MTMR7: variants seen among roughly 807,000 people sequenced by gnomAD.
MTMR7 encodes phosphatidylinositol-3-phosphate phosphatase MTMR7.
Under a neutral mutation model 81.2 loss-of-function variants are expected in MTMR7, and 76 were observed. The ratio of observed to expected loss-of-function variants is 0.94; its 90% CI spans 0.78 to 1.13. The LOEUF is 1.13. Ranked by LOEUF, MTMR7 falls within the 50% of genes most tolerant of loss-of-function variation. The pLI is 0.00. For missense variants in MTMR7, 1,044 were observed against 820.0 expected (o/e 1.27, Z -3.34); for synonymous variants, 372 against 289.8 (o/e 1.28, Z -2.88).
At chr8:17,335,867 C>T (rs893676884) in intron 6 of MTMR7, among the ~76,000 whole-genome samples, 3 of 152,184 alleles carry the variant, frequency 2.0e-5, no homozygotes, top group African/African-American at 4.8e-5. Flanking sequence ...CCGTATGTGA[C>T]GCAAAATTAG....
chr8:17,356,082 A>AT (rs1451545841), intron 4 of MTMR7, among the ~76,000 whole-genome samples: 5 of 152,096 alleles, frequency 3.3e-5, no homozygotes, highest in African/African-American at 7.2e-5. Flanking sequence ...CATTACCAAC[A>AT]CCACTCTAGG....
Position 17,370,761 on chromosome 8 carries a change from T to C in MTMR7, c.310+276A>G, listed in dbSNP as rs58790383. Among the ~76,000 whole-genome samples the C allele has an allele frequency of 1.9e-3, 281 of 151,760 alleles. 8 individuals carry two copies. The East Asian group carries it at 0.048, about 26-fold the overall frequency. On this transcript the variant is annotated intron_variant, in intron 3 of 13. Transcript: ENST00000180173. ...TAAGAAGTGCATAACTTAAAGGCAA[T>C]TTCACCCCAAAAGGAAAGCATCCTA...
At chr8:17,300,465 T>G (rs373513639) in intron 13 of MTMR7, among the ~76,000 whole-genome samples, 141 of 152,260 alleles carry the variant, frequency 9.3e-4, no homozygotes, top group African/African-American at 3.3e-3. Flanking sequence ...ATAAACAATA[T>G]AGCACAGTTG....
intron 6 of MTMR7, among the ~76,000 whole-genome samples, chr8:17,332,265 T>C (rs576498873): frequency 6.6e-6 from 1 of 152,312 alleles, no homozygotes; most frequent in Admixed American, 6.5e-5. Context: ...CAATAGTACT[T>C]TTTAAAAGCT....
rs150330489 is a variant in MTMR7 at position 17,302,037 on chromosome 8, C to A, written c.1620+117G>T. On this transcript the variant is annotated intron_variant, in intron 13 of 13. Transcript: ENST00000180173. ...TGGATGGGGTTGTGTTTCAGGTGTTCTACTGACTAAAAATGTGAAATATTT... is the reference window on the plus strand; with the variant it reads ...TGGATGGGGTTGTGTTTCAGGTGTTATACTGACTAAAAATGTGAAATATTT... 2,719 of 1,373,094 alleles carry A rather than the reference C, an allele frequency of 2.0e-3. 3 individuals carry two copies. The highest frequency in any genetic ancestry group is 2.5e-3 in the Non-Finnish European group (2,505 of 989,262). The allele number at this position is 1,373,094 out of a possible 1,614,324, so 85.1% of individuals were successfully genotyped here.
chr8:17,324,367 G>T (rs962263571), intron 7 of MTMR7, among the ~76,000 whole-genome samples: 3 of 152,184 alleles, frequency 2.0e-5, no homozygotes, highest in Non-Finnish European at 1.5e-5. Flanking sequence ...CAGGGTAGAT[G>T]CACTCTCCAT....
intron 1 of MTMR7, among the ~76,000 whole-genome samples, chr8:17,375,689 G>A (rs748128504): frequency 5.9e-5 from 9 of 152,176 alleles, no homozygotes; most frequent in South Asian, 2.1e-4. Flanking sequence ...TTATAACTGC[G>A]TCCTTACCAA....
intron 4 of MTMR7, among the ~76,000 whole-genome samples, chr8:17,350,569 C>T (rs10106224): frequency 0.3 from 45,052 of 152,002 alleles, 7,838 homozygotes; most frequent in East Asian, 0.71. Flanking sequence ...GAGCTACGAT[C>T]TAAGATGAGA....
In MTMR7 at chr8:17,373,185, G is replaced by C. The variant is rs758357915; in HGVS notation, c.80C>G (p.Thr27Ser). 8 of 1,613,776 alleles carry C rather than the reference G, an allele frequency of 5.0e-6. No homozygotes were observed. The highest frequency in any genetic ancestry group is 1.7e-5 in the Admixed American group (1 of 60,008). Residue 27 changes from threonine to serine, a missense_variant, in exon 2 of 14, where the codon ACT becomes AGT. Thr to Ser is a moderately conservative substitution (Grantham distance 58). Transcript: ENST00000180173. The stretch of plus-strand genomic sequence containing the variant: ...GACATGGGTAGCCGTCAAATACAAA[G>C]TACCTAGAGCTGCTTTTTTAGGAGA... Reference protein sequence around the residue: ...RVSPKKAALGTLYLTATHVIF... With the variant: ...RVSPKKAALGSLYLTATHVIF...
intron 4 of MTMR7, among the ~76,000 whole-genome samples, chr8:17,349,694 G>A (rs1284092648): frequency 6.6e-6 from 1 of 152,150 alleles, no homozygotes; most frequent in Admixed American, 6.5e-5. Flanking sequence ...ATTTCCTAAT[G>A]TGCCACAGAT....
At chr8:17,343,027 CCTTTAAT>C (rs1485300171) in intron 5 of MTMR7, among the ~76,000 whole-genome samples, 1 of 152,076 alleles carries the variant, frequency 6.6e-6, no homozygotes, top group East Asian at 1.9e-4. Flanking sequence ...GGTCCTGTTT[CCTTTAAT>C]CTTTAAGGGG....
chr8:17,403,044 T>C (rs578020004), intron 1 of MTMR7, among the ~76,000 whole-genome samples: 1 of 152,330 alleles, frequency 6.6e-6, no homozygotes, highest in South Asian at 2.1e-4. Flanking sequence ...TTGTATGTCT[T>C]CCTTTGAGAA....
chr8:17,349,659 T>A (rs535744201), intron 4 of MTMR7, among the ~76,000 whole-genome samples: 1 of 152,200 alleles, frequency 6.6e-6, no homozygotes. Flanking sequence ...GGGAAGCTTC[T>A]TCCTTGACCT....
At chr8:17,303,026 A>C (rs1817230730) in intron 12 of MTMR7, among the ~76,000 whole-genome samples, 1 of 152,052 alleles carries the variant, frequency 6.6e-6, no homozygotes. Flanking sequence ...ATCCCTTTTT[A>C]TCCTACACAA....
chr8:17,401,496 C>T (rs972577910), intron 1 of MTMR7, among the ~76,000 whole-genome samples: 3 of 151,754 alleles, frequency 2.0e-5, no homozygotes, highest in South Asian at 2.1e-4. Flanking sequence ...AGGAGACCCA[C>T]GAAAGAAGTC....
chr8:17,374,620 A>AAAAT lies in MTMR7; in HGVS notation c.25-1384_25-1381dup, dbSNP rs143079802. Among the ~76,000 whole-genome samples the AAAAT allele has an allele frequency of 3.2e-4, 49 of 151,386 alleles. 1 individual carries two copies. The South Asian group carries it at 3.8e-3, about 12-fold the overall frequency. ...TGGCGACAGAGTGAGACTCCATCTCAAAATAAATAAATAAATAAATAAAAT... is the reference window on the plus strand; with the variant it reads ...TGGCGACAGAGTGAGACTCCATCTCAAAATAAATAAATAAATAAATAAATAAAAT... On this transcript the variant is annotated intron_variant, in intron 1 of 13. Coordinates refer to ENST00000180173, the MANE Select transcript of MTMR7 (RefSeq NM_004686.5).
At chr8:17,402,659 C>A (rs1400932495) in intron 1 of MTMR7, among the ~76,000 whole-genome samples, 1 of 152,164 alleles carries the variant, frequency 6.6e-6, no homozygotes, top group East Asian at 1.9e-4. Context: ...ATACATTCGT[C>A]TGTTGATGGC....
chr8:17,361,755 T>G (rs975893031), intron 3 of MTMR7, among the ~76,000 whole-genome samples: 3 of 152,122 alleles, frequency 2.0e-5, no homozygotes, highest in African/African-American at 4.8e-5. Flanking sequence ...AATAATAAAG[T>G]TGAAAAAACT....
In MTMR7 at chr8:17,408,395, C is replaced by CAAAAAAAAAAAA. The variant is rs530240881; in HGVS notation, c.24+4862_24+4873dup. Among the ~76,000 whole-genome samples, 82 of 23,494 alleles carry CAAAAAAAAAAAA rather than the reference C, an allele frequency of 3.5e-3. 9 individuals are homozygous for CAAAAAAAAAAAA. In the East Asian group the frequency reaches 0.05, roughly 14 times the overall value. The allele number at this position is 23,494 out of a possible 152,430, so 15.4% of individuals were successfully genotyped here. A position where few individuals can be genotyped will look rare whatever the true frequency, so the allele number is the denominator to read the frequency against. ...TGGGCGACAGAGCGAGACTCCGTCTCAAAAAAAAAAAAAAAAAAAAAAAGA... is the reference window on the plus strand; with the variant it reads ...TGGGCGACAGAGCGAGACTCCGTCTCAAAAAAAAAAAAAAAAAAAAAAAAAAAAAAAAAAAGA... On this transcript the variant is annotated intron_variant, in intron 1 of 13. Coordinates refer to ENST00000180173, the MANE Select transcript of MTMR7 (RefSeq NM_004686.5).
Sources: gnomAD v4.1 joint callset for allele counts (sites outside exome capture counted in the v4.1 genomes callset) on GRCh38, gnomAD v4.1.1 for gene constraint, MANE v1.5 for transcripts, NCBI Gene and HGNC (gene_info 2026-07-23, HGNC 2026-07-21) for gene names.